Variants in MBTPS1 observed in about 807,000 individuals in gnomAD.
MBTPS1 encodes membrane-bound transcription factor site-1 protease.
Under a neutral mutation model 127.8 loss-of-function variants are expected in MBTPS1, and 94 were observed. That is an observed-to-expected ratio of 0.74 (90% CI 0.62 to 0.87). The LOEUF is 0.87. Ranked by LOEUF, MBTPS1 falls within the 40% of genes least tolerant of loss-of-function variation. MBTPS1 has a pLI of 0.00. For synonymous variants in MBTPS1, 632 were observed against 509.4 expected (o/e 1.24, Z -3.24); for missense variants, 1,636 against 1,353.2 (o/e 1.21, Z -3.28).
At chr16:84,116,678 G>GGCC (rs1292301072) in intron 1 of MBTPS1, 57 bp downstream of exon 1, 1 of 151,970 alleles carries the variant, frequency 6.6e-6, no homozygotes, top group African/African-American at 2.4e-5. Context: ...TGAGCGAGCG[G>GGCC]GCCGCCGCCG....
chr16:84,070,843 G>A, intron 12 of MBTPS1, 67 bp from the exon 13 acceptor site: 8 of 1,293,410 alleles, frequency 6.2e-6, no homozygotes, highest in East Asian at 2.3e-5. Flanking sequence ...GTGGAAACCA[G>A]AAAAACTCAA....
intron 21 of MBTPS1, chr16:84,057,931 G>T (rs190967532): frequency 0.016 from 2,422 of 152,328 alleles, 45 homozygotes; most frequent in Non-Finnish European, 0.02. Context: ...ACAACACTGT[G>T]GAGAATAATT....
At chr16:84,060,516 C>T in intron 20 of MBTPS1, 166 bp downstream of exon 20, 1 of 693,912 alleles carries the variant, frequency 1.4e-6, no homozygotes. Flanking sequence ...GGCCTCTCGG[C>T]AGGTTAGAGC....
Position 84,074,727 on chromosome 16 carries a change from T to C in MBTPS1, c.1463A>G (p.Tyr488Cys), listed in dbSNP as rs1203342205. The change falls in exon 12 of 23, where the codon TAC becomes TGC. Residue 488 changes from tyrosine to cysteine, a missense_variant. Tyr to Cys is a radical substitution (Grantham distance 194). Transcript: ENST00000343411. The part of the protein sequence containing the change: ...YKPQASLSPS[Y>C]IDLTECPYMW... ...GTAGGGACACTCAGTCAGATCTATGTAGCTGGGGCTCAAACTGAAATAAAG... is the reference window on the plus strand; with the variant it reads ...GTAGGGACACTCAGTCAGATCTATGCAGCTGGGGCTCAAACTGAAATAAAG... The C allele has an allele frequency of 3.1e-6, 5 of 1,613,316 alleles. No homozygotes were observed. The highest frequency in any genetic ancestry group is 2.2e-5 in the East Asian group (1 of 44,888).
Position 84,101,762 on chromosome 16 carries a change from G to C in MBTPS1, c.22C>G (p.Leu8Val). ...CAGAGCAAAACCACGAGCAGAAGCA[G>C]CCAGATGTTGACAAGCTTCATGGTC... The part of the protein sequence containing the change: MKLVNIW[L>V]LLLVVLLCGK... Residue 8 changes from leucine (L) to valine (V), a missense_variant, in exon 2 of 23, where the codon CTG (leucine) becomes GTG (valine). Coordinates refer to ENST00000343411, the MANE Select transcript of MBTPS1 (RefSeq NM_003791.4). 1.9e-6 allele frequency: 3 copies of C among 1,613,604 alleles called. No homozygotes were observed. In the South Asian group the frequency reaches 3.3e-5, roughly 18 times the overall value.
At chr16:84,091,036 C>G in intron 7 of MBTPS1, 94 bp from the exon 8 acceptor site, 1 of 957,924 alleles carries the variant, frequency 1.0e-6, no homozygotes, top group Non-Finnish European at 1.6e-6. Context: ...CGTCTAAAAA[C>G]AGTTCTAAAA....
intron 3 of MBTPS1, among the ~76,000 whole-genome samples, chr16:84,098,561 C>T (rs933254312): frequency 3.9e-5 from 6 of 152,018 alleles, no homozygotes; most frequent in African/African-American, 1.5e-4. Flanking sequence ...GAGCCAAGAT[C>T]GCGCCACTGC....
intron 19 of MBTPS1, chr16:84,061,480 C>G (rs1007431798): frequency 1.3e-5 from 2 of 152,284 alleles, no homozygotes; most frequent in Admixed American, 1.3e-4. Flanking sequence ...AAAAGAAGGG[C>G]CTGAGAGCGG....
chr16:84,090,860 G>T lies in MBTPS1; in HGVS notation c.1031+15C>A. On this transcript the variant is annotated intron_variant, in intron 8 of 22. Coordinates refer to ENST00000343411, the MANE Select transcript of MBTPS1 (RefSeq NM_003791.4). Reference sequence around the variant, plus strand: ...GGAAAAAATCCCCGAGGTCATCCCTGCTGGGGCTACTTACCCATAAAGAGG... The same window carrying T: ...GGAAAAAATCCCCGAGGTCATCCCTTCTGGGGCTACTTACCCATAAAGAGG... 6.2e-7 allele frequency: 1 copy of T among 1,601,030 alleles called. No homozygotes were observed. The highest frequency in any genetic ancestry group is 8.5e-7 in the Non-Finnish European group (1 of 1,170,718).
chr16:84,115,811 C>T (rs1038460632), intron 1 of MBTPS1, among the ~76,000 whole-genome samples: 14 of 152,100 alleles, frequency 9.2e-5, no homozygotes, highest in Non-Finnish European at 1.8e-4. Context: ...AGTGGCTGTG[C>T]TGCTGTAAAT....
chr16:84,081,354 A>G (rs2085937463), intron 11 of MBTPS1, among the ~76,000 whole-genome samples: 1 of 152,220 alleles, frequency 6.6e-6, no homozygotes, highest in Admixed American at 6.5e-5. Context: ...TGTTTGTATG[A>G]CAGTTTTAAC....
intron 13 of MBTPS1, 107 bp downstream of exon 13, chr16:84,070,477 CCTAT>C (rs1458116135): frequency 8.2e-6 from 9 of 1,102,298 alleles, no homozygotes; most frequent in African/African-American, 3.2e-5. Context: ...CGAGGATAAG[CCTAT>C]CTGTCAACTG....
rs1049422518 is a variant in MBTPS1 at position 84,100,231 on chromosome 16, G to A, written c.164-921C>T. Among the ~76,000 whole-genome samples the A allele has an allele frequency of 2.0e-5, 3 of 151,440 alleles. No individual in the cohort carries two copies. The East Asian group carries it at 5.8e-4, about 29-fold the overall frequency. On this transcript the variant is annotated intron_variant, in intron 2 of 22. Transcript: ENST00000343411. ...GTTTAAGACCAGCCTGGGCAACATG[G>A]TGAAACAAAAAATAAAAAAATTAGC...
At chr16:84,056,245 G>C in intron 21 of MBTPS1, 110 bp from the exon 22 acceptor site, 1 of 888,358 alleles carries the variant, frequency 1.1e-6, no homozygotes, top group South Asian at 1.8e-5. Flanking sequence ...TCTACGGGGA[G>C]ATGTGAAATG....
intron 19 of MBTPS1, 32 bp from the exon 20 acceptor site, chr16:84,060,845 CTTT>C (rs757950134): frequency 5.0e-6 from 6 of 1,189,120 alleles, no homozygotes; most frequent in East Asian, 3.2e-5. Context: ...TTAGGAATTC[CTTT>C]TTTTTTTTCC....
At chr16:84,088,776 A>C (rs1367908273) in intron 8 of MBTPS1, among the ~76,000 whole-genome samples, 2 of 152,150 alleles carry the variant, frequency 1.3e-5, no homozygotes, top group Admixed American at 6.5e-5. Context: ...TACTGTCCTC[A>C]GACCAGCCCT....
At chr16:84,055,848 G>A (rs924836317) in intron 22 of MBTPS1, among the ~76,000 whole-genome samples, 157 bp downstream of exon 22, 3 of 152,228 alleles carry the variant, frequency 2.0e-5, no homozygotes, top group Admixed American at 1.3e-4. Flanking sequence ...TGCTCATGCT[G>A]GTTTGTGCCA....
rs2086170028 is a variant in MBTPS1 at position 84,095,723 on chromosome 16, G to T, written c.504C>A (p.Ser168=). 6.2e-7 allele frequency: 1 copy of T among 1,614,244 alleles called. No homozygotes were observed. Among genetic ancestry groups the T allele is most frequent in the Admixed American group, 1.7e-5 (1 of 60,026 alleles). The change falls in exon 4 of 23, where the codon TCC becomes TCA. Residue 168 remains serine (S), a synonymous_variant. Coordinates refer to ENST00000343411, the MANE Select transcript of MBTPS1 (RefSeq NM_003791.4). ...TAGCATGCCAGAAGCCAGAGCCCAGGGAGAGGCTGGCTCTTCGCAGGGGAC... is the reference window on the plus strand; with the variant it reads ...TAGCATGCCAGAAGCCAGAGCCCAGTGAGAGGCTGGCTCTTCGCAGGGGAC... The part of the protein sequence containing the change: ...SSRPLRRASL[S]LGSGFWHATG...
chr16:84,068,990 G>C (rs1454181529), intron 14 of MBTPS1, among the ~76,000 whole-genome samples: 2 of 152,190 alleles, frequency 1.3e-5, no homozygotes, highest in African/African-American at 4.8e-5. Flanking sequence ...CCTCCCAGCA[G>C]CACAGACTCC....
Sources: allele counts gnomAD v4.1 joint callset (sites outside exome capture counted in the v4.1 genomes callset), GRCh38; gene constraint gnomAD v4.1.1; transcripts MANE v1.5; gene names NCBI Gene and HGNC (gene_info 2026-07-23, HGNC 2026-07-21).